Variants in GLT8D2 observed in about 807,000 individuals in gnomAD.
GLT8D2 encodes glycosyltransferase 8 domain-containing protein 2.
A neutral mutation model predicts 44.5 loss-of-function variants in GLT8D2; 45 were observed. The ratio of observed to expected loss-of-function variants is 1.01; its 90% CI spans 0.80 to 1.30. GLT8D2 has a LOEUF of 1.30. GLT8D2 is among the 50% of genes most tolerant of loss of function. The probability of loss-of-function intolerance (pLI) is 0.00; values close to 1 mark genes in which losing one functional copy is unlikely to be tolerated. For missense variants in GLT8D2, 400 were observed against 430.4 expected (o/e 0.93, Z 0.62); for synonymous variants, 156 against 157.2 (o/e 0.99, Z 0.06).
chr12:104,031,706 C>T (rs1470662648), intron 1 of GLT8D2, among the ~76,000 whole-genome samples: 9 of 147,274 alleles, frequency 6.1e-5, no homozygotes, highest in East Asian at 2.1e-4. Context: ...GCCATTTTGT[C>T]GCCTGCACCC....
rs767613379 is a variant in GLT8D2, at chr12:103,999,487, T to A, written c.312A>T (p.Arg104Ser). The A allele has an allele frequency of 1.2e-6, 2 of 1,611,170 alleles. No individual in the cohort carries two copies. Among genetic ancestry groups the A allele is most frequent in the East Asian group, 4.5e-5 (2 of 44,852 alleles). ...ATTCCACGATTTTAAAGTTTATTTCTCTCAGTTTGGAATGTTCAATCCATT... is the reference window on the plus strand; with the variant it reads ...ATTCCACGATTTTAAAGTTTATTTCACTCAGTTTGGAATGTTCAATCCATT... ...IRKWIEHSKL[R>S]EINFKIVEFN... The change falls in exon 6 of 11, where the codon AGA becomes AGT. Residue 104 changes from arginine to serine, a missense_variant. Transcript: ENST00000360814.
chr12:104,008,233 G>T (rs1361409757), intron 4 of GLT8D2, among the ~76,000 whole-genome samples: 1 of 152,188 alleles, frequency 6.6e-6, no homozygotes, highest in Non-Finnish European at 1.5e-5. Context: ...TTGTTGAATG[G>T]CTTTGACCAA....
intron 4 of GLT8D2, chr12:104,012,730 G>T (rs1164424404): frequency 1.5e-6 from 1 of 671,824 alleles, no homozygotes; most frequent in Non-Finnish European, 2.7e-6. Flanking sequence ...TTAGCTTCCA[G>T]CATCTCAGGA....
intron 1 of GLT8D2, among the ~76,000 whole-genome samples, chr12:104,030,418 A>C (rs1879108415): frequency 6.6e-6 from 1 of 152,016 alleles, no homozygotes; most frequent in South Asian, 2.1e-4. Flanking sequence ...TTAAATGTGT[A>C]AGATGTGAAA....
chr12:104,019,699 T>C, intron 2 of GLT8D2, 23 bp from the exon 3 acceptor site: 1 of 1,545,056 alleles, frequency 6.5e-7, no homozygotes, highest in Non-Finnish European at 8.9e-7. Flanking sequence ...GGAAAAAAAA[T>C]CTGTTTAAAG....
At chr12:104,044,362 C>A (rs1205442384) in intron 1 of GLT8D2, among the ~76,000 whole-genome samples, 1 of 152,190 alleles carries the variant, frequency 6.6e-6, no homozygotes, top group African/African-American at 2.4e-5. Flanking sequence ...AGACTATAAG[C>A]CCCATGAAGG....
rs754883873 is a variant in GLT8D2 at position 103,989,405 on chromosome 12, A to G, written c.*3T>C. On this transcript the variant is annotated 3_prime_UTR_variant, in exon 11 of 11. Transcript: ENST00000360814. ...CAGGGAATATTTTAAGGGTAGAGTTATATCAGCTATGGTGATTGAGTTTAA... is the reference window on the plus strand; with the variant it reads ...CAGGGAATATTTTAAGGGTAGAGTTGTATCAGCTATGGTGATTGAGTTTAA... The G allele has an allele frequency of 1.6e-5, 26 of 1,603,098 alleles. No individual in the cohort carries two copies. In the South Asian group the frequency reaches 2.9e-4, roughly 18 times the overall value.
At chr12:104,031,496 C>G in intron 1 of GLT8D2, 5 of 1,613,132 alleles carry the variant, frequency 3.1e-6, no homozygotes, top group Non-Finnish European at 4.2e-6. Context: ...GGAGACGGTG[C>G]GCAAAGCCAT....
At position 104,003,237 on chromosome 12, in the gene GLT8D2, C is replaced by A. The variant is rs753013531; in HGVS notation, c.182G>T (p.Arg61Met). 1 of 1,614,052 alleles carries A rather than the reference C, an allele frequency of 6.2e-7. No homozygotes were observed. Among genetic ancestry groups the A allele is most frequent in the South Asian group, 1.1e-5 (1 of 91,076 alleles). The part of the protein sequence containing the change: ...IPVVICAAAG[R>M]MGATMAAINS... ...GATGGCAGCCATAGTGGCACCCATC[C>A]TCCCTGCTGCAGCACAAATCACCAC... Residue 61 changes from arginine to methionine, a missense_variant, in exon 5 of 11, where the codon AGG (arginine) becomes ATG (methionine). Physicochemically the swap from Arg to Met is moderately conservative, Grantham distance 91. Transcript: ENST00000360814.
intron 1 of GLT8D2, chr12:104,030,909 C>A: frequency 1.3e-6 from 2 of 1,529,000 alleles, no homozygotes; most frequent in Non-Finnish European, 1.8e-6. Context: ...GGCGGGCAGG[C>A]GCTACGAGAT....
At chr12:104,037,988 A>T (rs1223538953) in intron 1 of GLT8D2, among the ~76,000 whole-genome samples, 4 of 152,240 alleles carry the variant, frequency 2.6e-5, no homozygotes, top group Non-Finnish European at 5.9e-5. Flanking sequence ...GGCTGGTTCA[A>T]CACATGCAAA....
At chr12:104,006,642 T>C (rs1281204117) in intron 4 of GLT8D2, among the ~76,000 whole-genome samples, 1 of 152,192 alleles carries the variant, frequency 6.6e-6, no homozygotes, top group Non-Finnish European at 1.5e-5. Flanking sequence ...CCTTTTCTAA[T>C]AAAATTACTG....
chr12:104,007,769 C>T (rs1304532983), intron 4 of GLT8D2, among the ~76,000 whole-genome samples: 2 of 152,112 alleles, frequency 1.3e-5, no homozygotes, highest in Non-Finnish European at 2.9e-5. Flanking sequence ...AATTATACTC[C>T]CATAATTCCC....
upstream of GLT8D2, among the ~76,000 whole-genome samples, chr12:104,053,838 T>C (rs1009138747): frequency 6.6e-6 from 1 of 151,468 alleles, no homozygotes; most frequent in South Asian, 2.1e-4. Flanking sequence ...GAGCTGAGAT[T>C]GCGCCACTGC....
intron 1 of GLT8D2, among the ~76,000 whole-genome samples, chr12:104,021,918 GAAGAAGAAGAAGAAGAAGAA>G (rs1877762468): frequency 4.8e-4 from 11 of 23,024 alleles, no homozygotes; most frequent in East Asian, 3.6e-3. Context: ...AGAAGAAGAA[GAAGAAGAAGAAGAAGAAGAA>G]GAAGAAGAAG....
In GLT8D2 at chr12:103,999,417, T is replaced by C; in HGVS notation, c.382A>G (p.Arg128Gly). Residue 128 changes from arginine to glycine, a missense_variant, in exon 6 of 11, where the codon AGG (arginine) becomes GGG (glycine). Physicochemically the swap from Arg to Gly is moderately radical, Grantham distance 125. Coordinates refer to ENST00000360814, the MANE Select transcript of GLT8D2 (RefSeq NM_001384711.1). ...CTTACAGGCTGGAGCAATTCAGGCC[T>C]CGATGAGTCTGGTCTGATCTTCCCT... ...LKGKIRPDSSRPELLQPLNFV... is the reference protein window; with the variant it reads ...LKGKIRPDSSGPELLQPLNFV... 6.2e-7 allele frequency: 1 copy of C among 1,610,238 alleles called. No homozygotes were observed. The highest frequency in any genetic ancestry group is 1.1e-5 in the South Asian group (1 of 90,976).
At chr12:104,038,362 T>C (rs1172705106) in intron 1 of GLT8D2, among the ~76,000 whole-genome samples, 1 of 152,226 alleles carries the variant, frequency 6.6e-6, no homozygotes. Flanking sequence ...ACTGTCCCTG[T>C]TTGCAGATGA....
intron 3 of GLT8D2, among the ~76,000 whole-genome samples, chr12:104,016,850 G>GAAAGAAAGAA (rs1876885618): frequency 6.7e-6 from 1 of 148,630 alleles, no homozygotes; most frequent in African/African-American, 2.5e-5. Flanking sequence ...AAGAAAGAAA[G>GAAAGAAAGAA]AAAGAAAGAA....
chr12:104,010,998 A>T (rs1171994041), intron 4 of GLT8D2, among the ~76,000 whole-genome samples: 2 of 152,214 alleles, frequency 1.3e-5, no homozygotes, highest in African/African-American at 4.8e-5. Context: ...GAAAAAGGTC[A>T]AACATTGAGT....
Sources: gnomAD v4.1 joint callset for allele counts (sites outside exome capture counted in the v4.1 genomes callset) on GRCh38, gnomAD v4.1.1 for gene constraint, MANE v1.5 for transcripts, NCBI Gene and HGNC (gene_info 2026-07-23, HGNC 2026-07-21) for gene names.